SCAPER: variants seen among roughly 807,000 people sequenced by gnomAD.
The protein encoded by SCAPER is S-phase cyclin A associated protein in the ER.
In SCAPER, 98 loss-of-function variants were observed where a neutral mutation model predicts 182.2. That is an observed-to-expected ratio of 0.54 (90% confidence interval 0.46 to 0.64). The LOEUF (loss-of-function observed/expected upper bound fraction) is 0.64, where lower values mean the gene tolerates loss of function less well. SCAPER is among the 30% of genes least tolerant of loss of function. The probability of loss-of-function intolerance (pLI) is 0.00; values close to 1 mark genes in which losing one functional copy is unlikely to be tolerated. For missense variants in SCAPER, 1,432 were observed against 1,690.0 expected (o/e 0.85, Z 2.68); for synonymous variants, 605 against 564.6 (o/e 1.07, Z -1.01).
intron 21 of SCAPER, among the ~76,000 whole-genome samples, chr15:76,660,698 T>TTC (rs1479557653): frequency 6.6e-6 from 1 of 152,166 alleles, no homozygotes; most frequent in African/African-American, 2.4e-5. Context: ...GGATCAAGGC[T>TTC]TCTGTTCTGT....
intron 29 of SCAPER, among the ~76,000 whole-genome samples, chr15:76,367,728 A>C (rs1439306106): frequency 6.6e-6 from 1 of 152,158 alleles, no homozygotes; most frequent in Non-Finnish European, 1.5e-5. Flanking sequence ...TCACTAAAAC[A>C]ATGAAGAAAA....
chr15:76,457,696 A>G (rs1319598295), intron 25 of SCAPER, among the ~76,000 whole-genome samples: 1 of 152,178 alleles, frequency 6.6e-6, no homozygotes, highest in Non-Finnish European at 1.5e-5. Flanking sequence ...TCTATATTAT[A>G]ATAATATGCA....
Position 76,802,171 on chromosome 15 carries a change from A to G in SCAPER, c.495-1807T>C, listed in dbSNP as rs139801505. ...AATAAAAAAATGAAAAGAAAAAGAA[A>G]ATAAAGATTTATTGTAAGGATATAA... On this transcript the variant is annotated intron_variant, in intron 6 of 31. Transcript: ENST00000563290. Among the ~76,000 whole-genome samples, 111 of 152,350 alleles carry G rather than the reference A, an allele frequency of 7.3e-4. 1 individual carries two copies. The highest frequency in any genetic ancestry group is 2.2e-3 in the African/African-American group (93 of 41,582).
chr15:76,376,470 T>C (rs1023622008), intron 28 of SCAPER, among the ~76,000 whole-genome samples, 159 bp from the exon 29 acceptor site: 1 of 152,206 alleles, frequency 6.6e-6, no homozygotes, highest in Non-Finnish European at 1.5e-5. Flanking sequence ...GGGGTTCTTG[T>C]TCTAATAAAT....
chr15:76,715,232 G>A (rs940420738), intron 17 of SCAPER, among the ~76,000 whole-genome samples: 1 of 150,478 alleles, frequency 6.6e-6, no homozygotes, highest in African/African-American at 2.5e-5. Context: ...CAGGAGCTCT[G>A]AGCCTCTGGC....
chr15:76,442,493 T>C (rs1000507512), intron 25 of SCAPER, among the ~76,000 whole-genome samples: 1 of 152,214 alleles, frequency 6.6e-6, no homozygotes, highest in Non-Finnish European at 1.5e-5. Flanking sequence ...GTCTCTCTCA[T>C]TCTATCTCAC....
intron 14 of SCAPER, among the ~76,000 whole-genome samples, chr15:76,757,920 C>T (rs1221966748): frequency 2.0e-5 from 3 of 152,134 alleles, no homozygotes; most frequent in Non-Finnish European, 2.9e-5. Context: ...AGAAGTGTCT[C>T]TTTAAGTCCT....
chr15:76,367,249 A>G (rs2041873699), intron 29 of SCAPER, among the ~76,000 whole-genome samples: 1 of 152,200 alleles, frequency 6.6e-6, no homozygotes, highest in Non-Finnish European at 1.5e-5. Flanking sequence ...TGCTGTACCA[A>G]TATTTGTTCC....
intron 23 of SCAPER, among the ~76,000 whole-genome samples, chr15:76,520,324 C>T (rs1229343537): frequency 1.3e-5 from 2 of 152,066 alleles, no homozygotes; most frequent in African/African-American, 4.8e-5. Flanking sequence ...GCTTAAGTGA[C>T]CCTCCCAACC....
At chr15:76,895,140 C>T (rs959498202) in intron 1 of SCAPER, among the ~76,000 whole-genome samples, 1 of 152,096 alleles carries the variant, frequency 6.6e-6, no homozygotes, top group Non-Finnish European at 1.5e-5. Flanking sequence ...CATAAAATAC[C>T]GGCAAACCAA....
At chr15:76,492,583 T>C (rs1188779064) in intron 24 of SCAPER, among the ~76,000 whole-genome samples, 1 of 152,170 alleles carries the variant, frequency 6.6e-6, no homozygotes, top group Non-Finnish European at 1.5e-5. Flanking sequence ...AAGTCCTACA[T>C]GTGGACTTGC....
intron 17 of SCAPER, among the ~76,000 whole-genome samples, chr15:76,717,121 C>T (rs368874608): frequency 1.6e-5 from 2 of 122,534 alleles, no homozygotes; most frequent in South Asian, 6.0e-4. Context: ...AATGGGATGA[C>T]ATATTCAAAA....
intron 15 of SCAPER, among the ~76,000 whole-genome samples, chr15:76,735,341 C>G (rs2061183977): frequency 6.6e-6 from 1 of 152,036 alleles, no homozygotes; most frequent in Admixed American, 6.6e-5. Context: ...CCACTAAACT[C>G]CAGTTTGGGC....
chr15:76,417,077 AAAAT>A (rs2045700443), intron 26 of SCAPER, among the ~76,000 whole-genome samples: 1 of 152,144 alleles, frequency 6.6e-6, no homozygotes, highest in Non-Finnish European at 1.5e-5. Context: ...AAAAAAATAA[AAAAT>A]AAAGTTTAAA....
In SCAPER at chr15:76,726,155, A is replaced by ATATATATATATATATATATATATAT. The variant is rs1491513286; in HGVS notation, c.2165+2439_2165+2440insATATATATATATATATATATATATA. ...TATATATATATATATATATATATATAAAAAACTCTATAACCCAACAAGAAA... is the reference window on the plus strand; with the variant it reads ...TATATATATATATATATATATATATATATATATATATATATATATATATATAAAAACTCTATAACCCAACAAGAAA... On this transcript the variant is annotated intron_variant, in intron 17 of 31. Transcript: ENST00000563290. Among the ~76,000 whole-genome samples the ATATATATATATATATATATATATAT allele has an allele frequency of 2.9e-4, 28 of 97,332 alleles. 9 individuals carry two copies. The highest frequency in any genetic ancestry group is 5.4e-4 in the African/African-American group (13 of 24,258). 63.9% of individuals were successfully genotyped at this position (97,332 alleles called of 152,430 possible). A position where few individuals can be genotyped will look rare whatever the true frequency, so the allele number is the denominator to read the frequency against.
intron 22 of SCAPER, among the ~76,000 whole-genome samples, chr15:76,618,965 C>T (rs368369652): frequency 6.6e-6 from 1 of 152,300 alleles, no homozygotes; most frequent in Admixed American, 6.5e-5. Flanking sequence ...CTGCCTCAGC[C>T]TCCTGAGTAG....
At chr15:76,606,422 G>C (rs1207035173) in intron 22 of SCAPER, among the ~76,000 whole-genome samples, 1 of 152,214 alleles carries the variant, frequency 6.6e-6, no homozygotes, top group African/African-American at 2.4e-5. Context: ...TTGCTGAAGA[G>C]TGCTTTACTT....
At chr15:76,707,295 T>A (rs1373316883) in intron 17 of SCAPER, among the ~76,000 whole-genome samples, 1 of 151,846 alleles carries the variant, frequency 6.6e-6, no homozygotes, top group Non-Finnish European at 1.5e-5. Flanking sequence ...AATAATTACA[T>A]CAAATGAGAA....
intron 5 of SCAPER, among the ~76,000 whole-genome samples, chr15:76,811,074 A>G (rs1033795836): frequency 2.0e-5 from 3 of 151,776 alleles, no homozygotes; most frequent in East Asian, 1.9e-4. Context: ...CTGCAATTCA[A>G]TAATAGAAGA....
Sources: gnomAD v4.1 joint callset for allele counts (sites outside exome capture counted in the v4.1 genomes callset) on GRCh38, gnomAD v4.1.1 for gene constraint, MANE v1.5 for transcripts, NCBI Gene and HGNC (gene_info 2026-07-23, HGNC 2026-07-21) for gene names.